Variants in MCHR2 observed in about 807,000 individuals in gnomAD.
MCHR2 encodes melanin concentrating hormone receptor 2, also known as melanin-concentrating hormone receptor 2.
Under a neutral mutation model 24.8 loss-of-function variants are expected in MCHR2, and 15 were observed. That is an observed-to-expected ratio of 0.60 (90% CI 0.40 to 0.93). MCHR2 has a LOEUF of 0.93. MCHR2 is among the 40% of genes least tolerant of loss of function. The probability of loss-of-function intolerance (pLI) is 0.00; values close to 1 mark genes in which losing one functional copy is unlikely to be tolerated. For missense variants in MCHR2, 386 were observed against 408.7 expected (o/e 0.94, Z 0.48); for synonymous variants, 151 against 147.6 (o/e 1.02, Z -0.17).
chr6:99,973,734 G>T (rs1409781900), intron 1 of MCHR2, among the ~76,000 whole-genome samples: 1 of 152,140 alleles, frequency 6.6e-6, no homozygotes, highest in East Asian at 1.9e-4. Context: ...CTTCCTTCAG[G>T]AGCTCTTGTA....
intron 4 of MCHR2, among the ~76,000 whole-genome samples, chr6:99,938,172 G>A (rs1774702199): frequency 6.6e-6 from 1 of 151,762 alleles, no homozygotes; most frequent in Non-Finnish European, 1.5e-5. Flanking sequence ...TTGATCGTCT[G>A]TAGTTTTTTT....
At chr6:99,921,882 C>T (rs1171710781) in intron 5 of MCHR2, among the ~76,000 whole-genome samples, 1 of 152,122 alleles carries the variant, frequency 6.6e-6, no homozygotes, top group East Asian at 1.9e-4. Flanking sequence ...TGATGTTTGT[C>T]TTTCTGTGCC....
intron 1 of MCHR2, among the ~76,000 whole-genome samples, chr6:99,959,423 T>A (rs187673594): frequency 6.6e-6 from 1 of 151,638 alleles, no homozygotes; most frequent in African/African-American, 2.4e-5. Context: ...CTGGGAGAGG[T>A]AGCTATATTG....
rs547974542 is a variant in MCHR2, at chr6:99,939,168, C to T, written c.587+3781G>A. Among the ~76,000 whole-genome samples, 22 of 151,930 alleles carry T rather than the reference C, an allele frequency of 1.4e-4. No individual in the cohort carries two copies. The South Asian group carries it at 4.4e-3, about 30-fold the overall frequency. Reference sequence around the variant, plus strand: ...TGCCTTTTAATTGGAAAATTGAGACCCTTTACATTCAGTATTATTATTGAT... The same window carrying T: ...TGCCTTTTAATTGGAAAATTGAGACTCTTTACATTCAGTATTATTATTGAT... On this transcript the variant is annotated intron_variant, in intron 4 of 5. Transcript: ENST00000281806.
chr6:99,957,230 C>A (rs1202941335), intron 1 of MCHR2, among the ~76,000 whole-genome samples: 1 of 152,096 alleles, frequency 6.6e-6, no homozygotes, highest in African/African-American at 2.4e-5. Context: ...GAGATACCCT[C>A]TTCTGAGCTG....
chr6:99,949,218 A>T (rs1267327656), intron 2 of MCHR2, among the ~76,000 whole-genome samples: 1 of 152,200 alleles, frequency 6.6e-6, no homozygotes, highest in African/African-American at 2.4e-5. Flanking sequence ...TGTAAAGCTG[A>T]ACTATGTATA....
intron 2 of MCHR2, among the ~76,000 whole-genome samples, chr6:99,954,440 C>T (rs1010620987): frequency 3.3e-5 from 5 of 152,048 alleles, no homozygotes; most frequent in Non-Finnish European, 7.4e-5. Flanking sequence ...TGAGGAATAA[C>T]ATGACCCTAC....
At chr6:99,978,257 C>T (rs985287991) in intron 1 of MCHR2, among the ~76,000 whole-genome samples, 1 of 152,046 alleles carries the variant, frequency 6.6e-6, no homozygotes, top group Non-Finnish European at 1.5e-5. Flanking sequence ...ACAAATGGTG[C>T]TTATAATGTG....
intron 1 of MCHR2, among the ~76,000 whole-genome samples, chr6:99,962,238 CA>C (rs1232883595): frequency 6.6e-6 from 1 of 152,078 alleles, no homozygotes; most frequent in East Asian, 1.9e-4. Flanking sequence ...GTAGCATATG[CA>C]GCGAGGATAT....
chr6:99,983,406 C>T (rs1340830952), intron 1 of MCHR2, among the ~76,000 whole-genome samples: 1 of 152,164 alleles, frequency 6.6e-6, no homozygotes, highest in Non-Finnish European at 1.5e-5. Flanking sequence ...GCAGAATATG[C>T]ATGTCACTCA....
chr6:99,954,762 C>T (rs1252076489), intron 2 of MCHR2, among the ~76,000 whole-genome samples: 1 of 152,178 alleles, frequency 6.6e-6, no homozygotes, highest in Non-Finnish European at 1.5e-5. Context: ...TGATGCCAAA[C>T]AACCACAGAT....
chr6:99,981,750 T>C (rs565820342), intron 1 of MCHR2, among the ~76,000 whole-genome samples: 13 of 152,312 alleles, frequency 8.5e-5, no homozygotes, highest in African/African-American at 3.1e-4. Context: ...CATGAAAGTC[T>C]CTTTCCCTCC....
At chr6:99,955,855 A>G in intron 2 of MCHR2, 111 bp downstream of exon 2, 1 of 873,780 alleles carries the variant, frequency 1.1e-6, no homozygotes, top group Non-Finnish European at 1.6e-6. Flanking sequence ...TATTTCCAAA[A>G]TTGCATTTCA....
intron 4 of MCHR2, 26 bp downstream of exon 4, chr6:99,942,923 G>A (rs752115211): frequency 6.4e-6 from 10 of 1,568,384 alleles, no homozygotes; most frequent in Middle Eastern, 1.7e-4. Flanking sequence ...AATTCAACTC[G>A]TTTTTCTTAA....
At position 99,927,422 on chromosome 6, in the gene MCHR2, T is replaced by A. The variant is rs375688169; in HGVS notation, c.708-6167A>T. Among the ~76,000 whole-genome samples the A allele has an allele frequency of 1.8e-4, 27 of 152,206 alleles. 1 individual carries two copies. The highest frequency in any genetic ancestry group is 1.4e-3 in the Admixed American group (22 of 15,282). The stretch of plus-strand genomic sequence containing the variant: ...ATGGCATTGAATCTATAAATTACCT[T>A]GGGCAGTTTGGCCATTTTCATGATG... On this transcript the variant is annotated intron_variant, in intron 5 of 5. Coordinates refer to ENST00000281806, the MANE Select transcript of MCHR2 (RefSeq NM_001040179.2).
chr6:99,945,882 C>T (rs970079590), intron 3 of MCHR2, among the ~76,000 whole-genome samples: 6 of 152,092 alleles, frequency 3.9e-5, no homozygotes, highest in South Asian at 2.1e-4. Flanking sequence ...TAAGATACCA[C>T]GCCTGCATGT....
At chr6:99,935,832 G>A (rs1464423792) in intron 4 of MCHR2, among the ~76,000 whole-genome samples, 1 of 151,680 alleles carries the variant, frequency 6.6e-6, no homozygotes, top group African/African-American at 2.4e-5. Flanking sequence ...CAAAGGTTCC[G>A]CTTTGTTCAC....
At chr6:99,979,259 G>A (rs1025078425) in intron 1 of MCHR2, among the ~76,000 whole-genome samples, 9 of 152,144 alleles carry the variant, frequency 5.9e-5, no homozygotes, top group African/African-American at 2.2e-4. Context: ...CACTGTACAC[G>A]CAAGGAAAGA....
intron 1 of MCHR2, among the ~76,000 whole-genome samples, chr6:99,969,721 C>G (rs1197910898): frequency 4.4e-5 from 5 of 113,056 alleles, no homozygotes; most frequent in African/African-American, 6.8e-5. Flanking sequence ...CCTCCCCCCA[C>G]CCCACAACAG....
Sources: allele counts gnomAD v4.1 joint callset (sites outside exome capture counted in the v4.1 genomes callset), GRCh38; gene constraint gnomAD v4.1.1; transcripts MANE v1.5; gene names NCBI Gene and HGNC (gene_info 2026-07-23, HGNC 2026-07-21).